The following RRAGB variants were observed in gnomAD, a reference collection of about 807,000 sequenced individuals.
RRAGB encodes the protein Ras related GTP binding B, also known as ras-related GTP-binding protein B.
A neutral mutation model predicts 29.3 loss-of-function variants in RRAGB; 6 were observed. That is an observed-to-expected ratio of 0.21 (90% CI 0.11 to 0.40). The LOEUF (loss-of-function observed/expected upper bound fraction) is 0.40, where lower values mean the gene tolerates loss of function less well. RRAGB is among the 10% of genes least tolerant of loss of function. The probability of loss-of-function intolerance (pLI) is 1.00; values close to 1 mark genes in which losing one functional copy is unlikely to be tolerated. For synonymous variants in RRAGB, 101 were observed against 92.5 expected (o/e 1.09, Z -0.53); for missense variants, 184 against 272.9 (o/e 0.67, Z 2.29).
At chrX:55,737,469 G>T (rs2033903415) in intron 5 of RRAGB, among the ~76,000 whole-genome samples, 1 of 112,363 alleles carries the variant, frequency 8.9e-6, no homozygotes. Context: ...GCAAGGGAGA[G>T]AAGTTTCCTT....
chrX:55,741,811 A>G (rs1347382598), intron 5 of RRAGB, among the ~76,000 whole-genome samples: 1 of 112,182 alleles, frequency 8.9e-6, no homozygotes, highest in Non-Finnish European at 1.9e-5. Context: ...CTACCTTCAC[A>G]GTGATATCTG....
rs752985961 is a variant in RRAGB, at chrX:55,748,855, C to A, written c.517-2246C>A. Among the ~76,000 whole-genome samples the A allele has an allele frequency of 6.6e-3, 614 of 92,805 alleles. 6 individuals carry two copies. The highest frequency in any genetic ancestry group is 0.024 in the African/African-American group (582 of 24,702). 80.6% of individuals were successfully genotyped at this position (92,805 alleles called of 115,157 possible). A position where few individuals can be genotyped will look rare whatever the true frequency, so the allele number is the denominator to read the frequency against. On this transcript the variant is annotated intron_variant, in intron 5 of 9. Coordinates refer to ENST00000374941, the MANE Select transcript of RRAGB (RefSeq NM_006064.5). ...AGGGGTGCCTCTGCCCAGCCGCCCC[C>A]ACTGGGAAGTGAGGAGCCCCTCTGC...
chrX:55,724,378 A>C, intron 3 of RRAGB, among the ~76,000 whole-genome samples: 1 of 112,195 alleles, frequency 8.9e-6, no homozygotes, highest in Non-Finnish European at 1.9e-5. Context: ...TTTTCATTTT[A>C]GCTACTTATT....
At position 55,757,258 on chromosome X, in the gene RRAGB, T is replaced by C; in HGVS notation, c.870T>C (p.Ser290=). 1 of 1,196,798 alleles carries C rather than the reference T, an allele frequency of 8.4e-7. No individual in the cohort carries two copies. Among genetic ancestry groups the C allele is most frequent in the Non-Finnish European group, 1.1e-6 (1 of 884,606 alleles). Residue 290 remains serine, a synonymous_variant, in exon 9 of 10, where the codon TCT becomes TCC. Coordinates refer to ENST00000374941, the MANE Select transcript of RRAGB (RefSeq NM_006064.5). ...TCCAGAGTATGGAAGTCAGGAACTCTAACTTCGCTGCTTTCATTGACATCT... is the reference window on the plus strand; with the variant it reads ...TCCAGAGTATGGAAGTCAGGAACTCCAACTTCGCTGCTTTCATTGACATCT... ...ASFQSMEVRN[S]NFAAFIDIFT... is the part of the protein sequence containing the mutation.
In RRAGB at chrX:55,748,707, G is replaced by A. The variant is rs374317839; in HGVS notation, c.517-2394G>A. On this transcript the variant is annotated intron_variant, in intron 5 of 9. Transcript: ENST00000374941. Reference sequence around the variant, plus strand: ...CGTCTGGGAAGTGAGGAGCGTCTCCGCCCGGCAGCCACCCCATCCGGGAGG... The same window carrying A: ...CGTCTGGGAAGTGAGGAGCGTCTCCACCCGGCAGCCACCCCATCCGGGAGG... 1.4e-3 allele frequency among the ~76,000 whole-genome samples: 157 copies of A among 111,576 alleles called. 1 individual carries two copies. The East Asian group carries it at 0.041, about 29-fold the overall frequency.
intron 5 of RRAGB, among the ~76,000 whole-genome samples, chrX:55,733,918 A>G (rs1040050508): frequency 5.3e-5 from 5 of 94,137 alleles, no homozygotes; most frequent in South Asian, 5.9e-4. Context: ...CTATGAATCT[A>G]TCTGGTCCTG....
At chrX:55,740,959 C>T (rs761528276) in intron 5 of RRAGB, among the ~76,000 whole-genome samples, 40 of 110,161 alleles carry the variant, frequency 3.6e-4, no homozygotes, top group Non-Finnish European at 5.7e-4. Context: ...TTTTGGTGCA[C>T]ATCCCAATCC....
intron 8 of RRAGB, 122 bp from the exon 9 acceptor site, chrX:55,757,094 A>T (rs2034675729): frequency 1.8e-5 from 6 of 331,620 alleles, no homozygotes; most frequent in Non-Finnish European, 2.7e-5. Flanking sequence ...AACAATCTTA[A>T]TGAAGTGGTG....
chrX:55,748,224 C>A (rs2034325218), intron 5 of RRAGB, among the ~76,000 whole-genome samples: 1 of 112,316 alleles, frequency 8.9e-6, no homozygotes, highest in African/African-American at 3.2e-5. Flanking sequence ...GCTACAACCT[C>A]CACCTCCTAG....
At position 55,731,620 on chromosome X, in the gene RRAGB, C is replaced by T. The variant is rs772246657; in HGVS notation, c.516+34C>T. On this transcript the variant is annotated intron_variant, in intron 5 of 9. Transcript: ENST00000374941. Reference sequence around the variant, plus strand: ...CAGAAGAAGTGCTGCACCAAATGCTCGACATGCTTTGCAAACTTATTTTGT... The same window carrying T: ...CAGAAGAAGTGCTGCACCAAATGCTTGACATGCTTTGCAAACTTATTTTGT... The T allele has an allele frequency of 1.3e-5, 13 of 981,250 alleles. No individual in the cohort carries two copies. The East Asian group carries it at 1.9e-4, about 14-fold the overall frequency. 80.9% of individuals were successfully genotyped at this position (981,250 alleles called of 1,213,427 possible). A position where few individuals can be genotyped will look rare whatever the true frequency, so the allele number is the denominator to read the frequency against.
At chrX:55,731,124 C>T (rs1484250650) in intron 4 of RRAGB, among the ~76,000 whole-genome samples, 3 of 111,049 alleles carry the variant, frequency 2.7e-5, no homozygotes, top group East Asian at 2.8e-4. Flanking sequence ...TCAATGAGAC[C>T]GGGTAAGAAA....
At chrX:55,742,158 AACAG>A (rs2034100879) in intron 5 of RRAGB, among the ~76,000 whole-genome samples, 1 of 112,927 alleles carries the variant, frequency 8.9e-6, no homozygotes, top group Non-Finnish European at 1.9e-5. Context: ...AAAGGGAAAA[AACAG>A]ACATTTACTT....
intron 6 of RRAGB, 21 bp from the exon 7 acceptor site, chrX:55,753,371 A>G: frequency 8.5e-7 from 1 of 1,176,621 alleles, no homozygotes; most frequent in Non-Finnish European, 1.2e-6. Flanking sequence ...ATAATAGTAC[A>G]CTGTGTTTCT....
chrX:55,735,020 A>G (rs2038457376), intron 5 of RRAGB, among the ~76,000 whole-genome samples: 1 of 112,345 alleles, frequency 8.9e-6, no homozygotes, highest in Non-Finnish European at 1.9e-5. Context: ...AAAATTTATT[A>G]AGACTTCTTT....
intron 3 of RRAGB, among the ~76,000 whole-genome samples, chrX:55,723,017 T>A (rs780379064): frequency 5.1e-4 from 57 of 111,398 alleles, no homozygotes; most frequent in African/African-American, 1.8e-3. Flanking sequence ...AAGAACAACA[T>A]TTTAAAAACA....
rs1391603533 is a variant in RRAGB at position 55,731,221 on chromosome X, G to A, written c.294-143G>A. ...TGTGGCTCAAGAGGTGAGAAGGTAA[G>A]GCCAGACTTATTTGTTATGATTTGC... On this transcript the variant is annotated intron_variant, in intron 4 of 9. Transcript: ENST00000374941. The A allele has an allele frequency of 1.7e-5, 8 of 477,134 alleles. No individual in the cohort carries two copies. The Admixed American group carries it at 2.5e-4, about 15-fold the overall frequency. The allele number at this position is 477,134 out of a possible 1,213,427, so 39.3% of individuals were successfully genotyped here. A position where few individuals can be genotyped will look rare whatever the true frequency, so the allele number is the denominator to read the frequency against.
chrX:55,722,820 T>C (rs1274245999), intron 3 of RRAGB, among the ~76,000 whole-genome samples: 4 of 111,703 alleles, frequency 3.6e-5, no homozygotes, highest in Admixed American at 9.5e-5. Flanking sequence ...TTGCCTTTTA[T>C]AGTTTGAGTG....
rs140214170 is a variant in RRAGB, at chrX:55,745,056, C to T, written c.517-6045C>T. On this transcript the variant is annotated intron_variant, in intron 5 of 9. Coordinates refer to ENST00000374941, the MANE Select transcript of RRAGB (RefSeq NM_006064.5). Reference sequence around the variant, plus strand: ...GGTATCTCTCCATACCACTGCACCCCTCAAAACTTCACTGAGGTAGAAGAC... The same window carrying T: ...GGTATCTCTCCATACCACTGCACCCTTCAAAACTTCACTGAGGTAGAAGAC... Among the ~76,000 whole-genome samples, 411 of 112,016 alleles carry T rather than the reference C, an allele frequency of 3.7e-3. 2 individuals are homozygous for T. Among genetic ancestry groups the T allele is most frequent in the African/African-American group, 0.013 (393 of 30,786 alleles).
intron 2 of RRAGB, among the ~76,000 whole-genome samples, chrX:55,721,089 C>G (rs149340649): frequency 9.0e-6 from 1 of 111,166 alleles, no homozygotes; most frequent in East Asian, 2.8e-4. Context: ...TACCTTTTCC[C>G]TTGGACAGTT....
Sources: gnomAD v4.1 joint callset for allele counts (sites outside exome capture counted in the v4.1 genomes callset) on GRCh38, gnomAD v4.1.1 for gene constraint, MANE v1.5 for transcripts, NCBI Gene and HGNC (gene_info 2026-07-23, HGNC 2026-07-21) for gene names.